The following COL14A1 variants were observed in gnomAD, a reference collection of about 807,000 sequenced individuals.
The protein encoded by COL14A1 is collagen alpha-1(XIV) chain.
COL14A1 carries 136 observed loss-of-function variants against 230.3 expected under a neutral mutation model. That is an observed-to-expected ratio of 0.59 (90% CI 0.51 to 0.68). The LOEUF (loss-of-function observed/expected upper bound fraction) is 0.68. COL14A1 is among the 30% of genes least tolerant of loss of function. COL14A1 has a pLI of 0.00. For missense variants in COL14A1, 1,976 were observed against 2,215.8 expected (o/e 0.89, Z 2.17); for synonymous variants, 792 against 784.1 (o/e 1.01, Z -0.17).
intron 40 of COL14A1, among the ~76,000 whole-genome samples, chr8:120,316,608 A>G (rs1027209665): frequency 3.3e-5 from 5 of 152,158 alleles, no homozygotes; most frequent in African/African-American, 9.7e-5. Flanking sequence ...AGAAACTTTT[A>G]TTACATGCTA....
At position 120,227,298 on chromosome 8, in the gene COL14A1, G is replaced by A. The variant is rs550630676; in HGVS notation, c.2083G>A (p.Ala695Thr). The change falls in exon 17 of 48, where the codon GCC becomes ACC. Residue 695 changes from alanine to threonine, a missense_variant. Transcript: ENST00000297848. ...PGTEYEVSLL[A>T]VLDDGSESEV... is the part of the protein sequence containing the mutation. ...TACGGAGTATGAAGTTTCACTATTG[G>A]CCGTACTTGATGATGGAAGCGAGAG... 91 of 1,614,026 alleles carry A rather than the reference G, an allele frequency of 5.6e-5. No homozygotes were observed. In the South Asian group the frequency reaches 8.6e-4, roughly 15 times the overall value.
Position 120,255,328 on chromosome 8 carries a change from C to T in COL14A1, c.2841C>T (p.Ala947=), listed in dbSNP as rs1265687696. 5 of 1,613,786 alleles carry T rather than the reference C, an allele frequency of 3.1e-6. No individual in the cohort carries two copies. In the Admixed American group the frequency reaches 5.0e-5, roughly 16 times the overall value. Residue 947 remains alanine, a synonymous_variant, in exon 23 of 48, where the codon GCC becomes GCT. Coordinates refer to ENST00000297848, the MANE Select transcript of COL14A1 (RefSeq NM_021110.4). ...AHWQVHRHAT[A]YRVVIESLQD... is the part of the protein sequence containing the mutation. ...GGCAGGTACATCGCCATGCCACAGC[C>T]TATAGGGTTGTTATAGAATCCCTCC...
At chr8:120,330,618 G>A (rs567503884) in intron 40 of COL14A1, among the ~76,000 whole-genome samples, 7 of 152,264 alleles carry the variant, frequency 4.6e-5, no homozygotes, top group East Asian at 1.9e-4. Context: ...CTCTCATGAC[G>A]TGGGAATTAT....
intron 34 of COL14A1, among the ~76,000 whole-genome samples, chr8:120,293,034 G>C (rs745553955): frequency 4.6e-5 from 7 of 152,056 alleles, no homozygotes; most frequent in Non-Finnish European, 8.8e-5. Flanking sequence ...CTTAACAACT[G>C]TGCTTCTCCT....
chr8:120,310,237 C>A (rs1820994633), intron 37 of COL14A1, among the ~76,000 whole-genome samples, 175 bp downstream of exon 37: 1 of 152,070 alleles, frequency 6.6e-6, no homozygotes, highest in African/African-American at 2.4e-5. Flanking sequence ...TGCTTTTAAT[C>A]AAAAAGAATA....
intron 19 of COL14A1, among the ~76,000 whole-genome samples, chr8:120,238,361 G>A (rs1818510705): frequency 6.6e-6 from 1 of 152,180 alleles, no homozygotes; most frequent in Non-Finnish European, 1.5e-5. Context: ...TGGTGCTGCG[G>A]TAGGCTCTGC....
chr8:120,294,200 A>G (rs1369402966), intron 34 of COL14A1, among the ~76,000 whole-genome samples: 1 of 151,802 alleles, frequency 6.6e-6, no homozygotes, highest in Non-Finnish European at 1.5e-5. Context: ...CTGAGTGGAA[A>G]ATGGAGCCAG....
At chr8:120,132,747 C>T (rs967707490) in intron 1 of COL14A1, among the ~76,000 whole-genome samples, 3 of 151,704 alleles carry the variant, frequency 2.0e-5, no homozygotes, top group African/African-American at 7.3e-5. Flanking sequence ...TATTTTTAAA[C>T]AAAGTACAAA....
At chr8:120,236,755 C>A (rs1373482287) in intron 19 of COL14A1, among the ~76,000 whole-genome samples, 1 of 152,068 alleles carries the variant, frequency 6.6e-6, no homozygotes, top group Non-Finnish European at 1.5e-5. Context: ...GTGGCTGGTA[C>A]CGGTTTTTAC....
chr8:120,336,862 T>C (rs915315122), intron 42 of COL14A1, among the ~76,000 whole-genome samples: 5 of 152,206 alleles, frequency 3.3e-5, no homozygotes, highest in African/African-American at 1.2e-4. Flanking sequence ...GGCTGCATTC[T>C]TTTTCACCAC....
chr8:120,167,510 A>C (rs568151094), intron 4 of COL14A1, among the ~76,000 whole-genome samples: 34 of 152,316 alleles, frequency 2.2e-4, no homozygotes, highest in Non-Finnish European at 4.6e-4. Flanking sequence ...TTAAGGAGAG[A>C]ATGCAGTGGA....
chr8:120,348,773 C>A (rs1822632955), intron 45 of COL14A1, among the ~76,000 whole-genome samples: 1 of 152,128 alleles, frequency 6.6e-6, no homozygotes, highest in Admixed American at 6.5e-5. Context: ...GTTTTTCAAA[C>A]TTTTAAAAAT....
chr8:120,204,300 C>G (rs941568543), intron 9 of COL14A1, among the ~76,000 whole-genome samples: 2 of 152,186 alleles, frequency 1.3e-5, no homozygotes, highest in Non-Finnish European at 1.5e-5. Flanking sequence ...AAGGATCACT[C>G]CTGTTCCCTT....
At chr8:120,286,054 G>C in intron 33 of COL14A1, 84 bp downstream of exon 33, 1 of 774,986 alleles carries the variant, frequency 1.3e-6, no homozygotes. Context: ...TAGGGCTTTG[G>C]ATCTCAAATT....
intron 45 of COL14A1, among the ~76,000 whole-genome samples, chr8:120,358,607 A>T (rs1823072235): frequency 6.6e-6 from 1 of 151,742 alleles, no homozygotes; most frequent in South Asian, 2.1e-4. Context: ...TAATTTAGCC[A>T]GAAAATCATG....
intron 40 of COL14A1, among the ~76,000 whole-genome samples, chr8:120,330,830 G>A (rs28514626): frequency 0.038 from 5,747 of 152,252 alleles, 357 homozygotes; most frequent in African/African-American, 0.13. Flanking sequence ...TTTCTGTCGG[G>A]TGTGGTGGCT....
At chr8:120,309,306 G>A (rs967163822) in intron 36 of COL14A1, among the ~76,000 whole-genome samples, 5 of 152,074 alleles carry the variant, frequency 3.3e-5, no homozygotes, top group Non-Finnish European at 4.4e-5. Context: ...TTTAGCAAGC[G>A]ATACTTTTTT....
chr8:120,289,891 AATGGATGG>A, intron 34 of COL14A1, 125 bp downstream of exon 34: 1 of 965,078 alleles, frequency 1.0e-6, no homozygotes, highest in Non-Finnish European at 1.5e-6. Flanking sequence ...TGGATGAATG[AATGGATGG>A]ATGGATGGAT....
At chr8:120,147,626 C>T (rs542160057) in intron 1 of COL14A1, among the ~76,000 whole-genome samples, 180 bp from the exon 2 acceptor site, 1 of 152,310 alleles carries the variant, frequency 6.6e-6, no homozygotes, top group African/African-American at 2.4e-5. Flanking sequence ...CCATTTACAG[C>T]ACCTTCTAAA....
Sources: gnomAD v4.1 joint callset for allele counts (sites outside exome capture counted in the v4.1 genomes callset) on GRCh38, gnomAD v4.1.1 for gene constraint, MANE v1.5 for transcripts, NCBI Gene and HGNC (gene_info 2026-07-23, HGNC 2026-07-21) for gene names.